KIAA1549: variants seen among roughly 807,000 people sequenced by gnomAD.
KIAA1549 encodes KIAA1549, also known as UPF0606 protein KIAA1549.
KIAA1549 carries 70 observed loss-of-function variants against 156.4 expected under a neutral mutation model. That is an observed-to-expected ratio of 0.45 (90% CI 0.37 to 0.55). The LOEUF (loss-of-function observed/expected upper bound fraction) is 0.55, where lower values mean the gene tolerates loss of function less well. KIAA1549 is among the 20% of genes least tolerant of loss of function. KIAA1549 has a pLI of 0.00. For synonymous variants in KIAA1549, 1,103 were observed against 1,066.4 expected (o/e 1.03, Z -0.67); for missense variants, 2,428 against 2,540.9 (o/e 0.96, Z 0.96).
At chr7:138,856,307 C>T (rs2130357305) in intron 16 of KIAA1549, among the ~76,000 whole-genome samples, 1 of 152,048 alleles carries the variant, frequency 6.6e-6, no homozygotes, top group Middle Eastern at 3.4e-3. Flanking sequence ...CACATATCCC[C>T]TCATTTCTAA....
intron 1 of KIAA1549, among the ~76,000 whole-genome samples, chr7:138,955,296 T>C (rs1208255792): frequency 6.6e-6 from 1 of 152,122 alleles, no homozygotes; most frequent in Non-Finnish European, 1.5e-5. Flanking sequence ...CAATGGAATA[T>C]CACTCAGCCT....
chr7:138,885,003 C>G (rs1470431668), intron 10 of KIAA1549, among the ~76,000 whole-genome samples: 2 of 152,218 alleles, frequency 1.3e-5, no homozygotes, highest in African/African-American at 4.8e-5. Flanking sequence ...TGAGACCAGC[C>G]TGACCAACAT....
intron 1 of KIAA1549, among the ~76,000 whole-genome samples, chr7:138,944,019 G>A (rs1171612550): frequency 2.0e-5 from 3 of 150,708 alleles, no homozygotes; most frequent in African/African-American, 4.9e-5. Flanking sequence ...CTCCCACCTC[G>A]CCCTCCCAAA....
Position 138,840,155 on chromosome 7 carries a change from T to C in KIAA1549, c.5576A>G (p.Asp1859Gly), listed in dbSNP as rs1013987542. 5.1e-6 allele frequency: 8 copies of C among 1,553,544 alleles called. No individual in the cohort carries two copies. The African/African-American group carries it at 1.1e-4, about 21-fold the overall frequency. ...CACGGCCTCTCTTCGCCCCGCTTCG[T>C]CCTCCCCGTACGAAGGCCAGCCTGG... Reference protein sequence around the residue: ...GGPGWPSYGEDEAGRREATHM... With the variant: ...GGPGWPSYGEGEAGRREATHM... The change falls in exon 19 of 20, where the codon GAC becomes GGC. Residue 1859 changes from aspartate to glycine, a missense_variant. Transcript: ENST00000422774.
intron 14 of KIAA1549, 56 bp downstream of exon 14, chr7:138,869,482 C>A: frequency 7.3e-7 from 1 of 1,368,460 alleles, no homozygotes; most frequent in South Asian, 1.2e-5. Flanking sequence ...GCTCCTGTGC[C>A]CCCCGCAGCA....
intron 15 of KIAA1549, among the ~76,000 whole-genome samples, chr7:138,865,722 G>A (rs1248908735): frequency 6.6e-6 from 1 of 152,140 alleles, no homozygotes; most frequent in Admixed American, 6.5e-5. Flanking sequence ...GGAAGAAAAC[G>A]ATGCTGCAAA....
intron 7 of KIAA1549, among the ~76,000 whole-genome samples, chr7:138,904,176 A>C (rs1811942317): frequency 6.6e-6 from 1 of 152,234 alleles, no homozygotes; most frequent in African/African-American, 2.4e-5. Context: ...CTAACTTGAA[A>C]AAAGGAAGCC....
chr7:138,877,788 C>T (rs919721526), intron 12 of KIAA1549, among the ~76,000 whole-genome samples: 9 of 152,186 alleles, frequency 5.9e-5, no homozygotes, highest in African/African-American at 2.2e-4. Context: ...TCGCTTCTTT[C>T]CTTCACATTC....
chr7:138,900,953 T>C (rs1447386526), intron 8 of KIAA1549, among the ~76,000 whole-genome samples: 1 of 152,228 alleles, frequency 6.6e-6, no homozygotes, highest in Non-Finnish European at 1.5e-5. Flanking sequence ...GCAACATCAA[T>C]GGACTAAGAT....
intron 8 of KIAA1549, among the ~76,000 whole-genome samples, chr7:138,901,025 T>C (rs1811826303): frequency 6.6e-6 from 1 of 152,254 alleles, no homozygotes; most frequent in Non-Finnish European, 1.5e-5. Context: ...CTACTGCCTA[T>C]GAGATTCCTA....
chr7:138,962,779 G>C (rs142785007), intron 1 of KIAA1549, among the ~76,000 whole-genome samples: 10 of 152,262 alleles, frequency 6.6e-5, no homozygotes, highest in Non-Finnish European at 1.2e-4. Context: ...AACCATTACT[G>C]TTTTCAACCA....
chr7:138,922,621 T>A (rs924109289), intron 1 of KIAA1549, among the ~76,000 whole-genome samples: 1 of 151,990 alleles, frequency 6.6e-6, no homozygotes, highest in South Asian at 2.1e-4. Context: ...ATAAAAATTT[T>A]ATAATTAATA....
chr7:138,911,026 T>C (rs1317598143), intron 4 of KIAA1549, 120 bp downstream of exon 4: 8 of 816,604 alleles, frequency 9.8e-6, no homozygotes, highest in Non-Finnish European at 1.5e-5. Context: ...ACTGAGATCC[T>C]GTCTCTAAAA....
Position 138,836,387 on chromosome 7 carries a change from A to G in KIAA1549, c.*1519T>C, listed in dbSNP as rs537853748. The G allele has an allele frequency of 4.7e-6, 1 of 214,476 alleles. No individual in the cohort carries two copies. Among genetic ancestry groups the G allele is most frequent in the Non-Finnish European group, 9.4e-6 (1 of 106,100 alleles). The allele number at this position is 214,476 out of a possible 1,614,324, so 13.3% of individuals were successfully genotyped here. On this transcript the variant is annotated 3_prime_UTR_variant, in exon 20 of 20. Coordinates refer to ENST00000422774, the MANE Select transcript of KIAA1549 (RefSeq NM_001164665.2). ...ACACAGCCCAGGTGTGTAGTAGGCT[A>G]TACCATGTAGGTTGTGTAAGTACAA...
Position 138,911,300 on chromosome 7 carries a change from G to A in KIAA1549, c.2991C>T (p.Phe997=). 1 of 1,597,572 alleles carries A rather than the reference G, an allele frequency of 6.3e-7. No individual in the cohort carries two copies. Among genetic ancestry groups the A allele is most frequent in the Non-Finnish European group, 8.5e-7 (1 of 1,171,148 alleles). Residue 997 remains phenylalanine, a synonymous_variant, in exon 4 of 20, where the codon TTC becomes TTT. Transcript: ENST00000422774. ...AAGGACCGGATGTTACCAGAAAAGT[G>A]AAGTCAGTAAATAGTTCGTAAACCT... ...ELKVYELFTD[F]TFLVTSGPFV...
chr7:138,890,548 C>T (rs1315169348), intron 10 of KIAA1549, among the ~76,000 whole-genome samples: 1 of 152,226 alleles, frequency 6.6e-6, no homozygotes, highest in Non-Finnish European at 1.5e-5. Context: ...CCTGTGGTCC[C>T]GGAGTTTGGG....
chr7:138,924,435 C>T (rs1413749478), intron 1 of KIAA1549, among the ~76,000 whole-genome samples: 3 of 151,844 alleles, frequency 2.0e-5, no homozygotes, highest in South Asian at 2.1e-4. Flanking sequence ...GGAAGTGAAC[C>T]GGAAGACTGC....
At position 138,918,169 on chromosome 7, in the gene KIAA1549, G is replaced by T. The variant is rs1241211321; in HGVS notation, c.1457C>A (p.Pro486His). The change falls in exon 2 of 20, where the codon CCC (proline) becomes CAC (histidine). Residue 486 changes from proline to histidine, a missense_variant. Pro to His is a moderately conservative substitution (Grantham distance 77, BLOSUM62 -2). This residue lies in a region of KIAA1549 where 893 missense variants were observed against 847.9 expected (regional missense o/e 1.05). Transcript: ENST00000422774. This position sits in a 1 kb window ranked among gnomAD's most constrained non-coding sequence, Gnocchi z 4.2. ...EDPQVFNTLFPSRPIVPLSSR... is the reference protein window; with the variant it reads ...EDPQVFNTLFHSRPIVPLSSR... Reference sequence around the variant, plus strand: ...AGAAAGTGGGACGATAGGTCTGGAGGGGAAAAGCGTATTAAATACTTGAGG... The same window carrying T: ...AGAAAGTGGGACGATAGGTCTGGAGTGGAAAAGCGTATTAAATACTTGAGG... 1 of 1,613,934 alleles carries T rather than the reference G, an allele frequency of 6.2e-7. No homozygotes were observed. Among genetic ancestry groups the T allele is most frequent in the East Asian group, 2.2e-5 (1 of 44,886 alleles).
At chr7:138,855,120 A>C (rs537146477) in intron 16 of KIAA1549, among the ~76,000 whole-genome samples, 1 of 152,102 alleles carries the variant, frequency 6.6e-6, no homozygotes, top group Non-Finnish European at 1.5e-5. Context: ...AGGGAGGGGG[A>C]ATCAGGAAAA....
Sources: gnomAD v4.1 joint callset for allele counts (sites outside exome capture counted in the v4.1 genomes callset) on GRCh38, gnomAD v4.1.1 for gene constraint, gnomAD v4.1.1 regional missense constraint, Gnocchi (gnomAD v3.1) non-coding constraint, MANE v1.5 for transcripts, NCBI Gene and HGNC (gene_info 2026-07-23, HGNC 2026-07-21) for gene names.